MYO3B: variants seen among roughly 807,000 people sequenced by gnomAD.
The protein encoded by MYO3B is myosin IIIB, also known as myosin-IIIb.
Under a neutral mutation model 174.6 loss-of-function variants are expected in MYO3B, and 156 were observed. The ratio of observed to expected loss-of-function variants is 0.89; its 90% CI spans 0.78 to 1.02. MYO3B has a LOEUF of 1.02. MYO3B is among the 50% of genes least tolerant of loss of function. The probability of loss-of-function intolerance (pLI) is 0.00; values close to 1 mark genes in which losing one functional copy is unlikely to be tolerated. For synonymous variants in MYO3B, 563 were observed against 569.1 expected, an observed-to-expected ratio of 0.99 and a Z score of 0.15; for missense variants, 1,632 against 1,639.4, an observed-to-expected ratio of 1.00 and a Z score of 0.08.
chr2:170,317,788 C>T lies in MYO3B; in HGVS notation c.750-17597C>T, dbSNP rs1274276235. Among the ~76,000 whole-genome samples, 3 of 152,142 alleles carry T rather than the reference C, an allele frequency of 2.0e-5. No individual in the cohort carries two copies. In the East Asian group the frequency reaches 5.8e-4, roughly 29 times the overall value. On this transcript the variant is annotated intron_variant, in intron 7 of 34. Transcript: ENST00000408978. ...ATTCTTAAAAAGGAGGTTCCATGAT[C>T]AGAGAAGTGTGAGAAACATTGTGGA...
At chr2:170,211,080 C>T (rs933444720) in intron 3 of MYO3B, among the ~76,000 whole-genome samples, 2 of 152,298 alleles carry the variant, frequency 1.3e-5, no homozygotes, top group Non-Finnish European at 2.9e-5. Context: ...TGAGAGGGAT[C>T]TATCCACTTT....
intron 22 of MYO3B, among the ~76,000 whole-genome samples, chr2:170,430,302 A>G (rs1004930593): frequency 1.3e-5 from 2 of 151,992 alleles, no homozygotes; most frequent in Non-Finnish European, 2.9e-5. Flanking sequence ...TTACCTGGAC[A>G]CTAGATCATC....
At chr2:170,501,616 G>A (rs758589917) in intron 27 of MYO3B, among the ~76,000 whole-genome samples, 169 bp from the exon 28 acceptor site, 6 of 152,296 alleles carry the variant, frequency 3.9e-5, no homozygotes, top group South Asian at 2.1e-4. Context: ...TGAGAACAGA[G>A]AGGCCTCTCT....
chr2:170,591,769 C>G (rs1693830554), intron 32 of MYO3B, among the ~76,000 whole-genome samples: 1 of 152,202 alleles, frequency 6.6e-6, no homozygotes, highest in South Asian at 2.1e-4. Flanking sequence ...TTCTTAATGT[C>G]TCTTCCCCCA....
intron 25 of MYO3B, among the ~76,000 whole-genome samples, chr2:170,476,755 C>T (rs376880976): frequency 6.6e-6 from 1 of 151,990 alleles, no homozygotes; most frequent in African/African-American, 2.4e-5. Context: ...AACAGGAATA[C>T]CTGTCCTTAT....
intron 25 of MYO3B, among the ~76,000 whole-genome samples, chr2:170,494,299 C>T (rs1686698730): frequency 2.0e-5 from 3 of 152,160 alleles, no homozygotes; most frequent in Non-Finnish European, 4.4e-5. Context: ...AATGAAATGA[C>T]ATTTTTTGAA....
chr2:170,594,400 G>A (rs1694010648), intron 32 of MYO3B, among the ~76,000 whole-genome samples: 1 of 152,186 alleles, frequency 6.6e-6, no homozygotes, highest in South Asian at 2.1e-4. Context: ...GGGACAGCAG[G>A]AGACAGAAGA....
chr2:170,260,916 G>T (rs150368854), intron 7 of MYO3B, among the ~76,000 whole-genome samples: 4 of 152,324 alleles, frequency 2.6e-5, no homozygotes, highest in East Asian at 1.9e-4. Context: ...GAGATAGTGA[G>T]CATAGACACT....
intron 32 of MYO3B, among the ~76,000 whole-genome samples, chr2:170,634,328 T>G (rs939567349): frequency 6.6e-6 from 1 of 151,988 alleles, no homozygotes; most frequent in Non-Finnish European, 1.5e-5. Flanking sequence ...TCTACAACCA[T>G]CTGATCTTTG....
At chr2:170,498,564 G>C in intron 25 of MYO3B, 28 bp from the exon 26 acceptor site, 3 of 1,509,220 alleles carry the variant, frequency 2.0e-6, no homozygotes, top group Non-Finnish European at 2.8e-6. Context: ...TGACTGAAAA[G>C]GCTTCACTTA....
intron 30 of MYO3B, among the ~76,000 whole-genome samples, chr2:170,533,213 A>C (rs1213665321): frequency 6.6e-6 from 1 of 152,036 alleles, no homozygotes; most frequent in East Asian, 1.9e-4. Flanking sequence ...CACTGCACAC[A>C]ATCTTGTTTA....
intron 32 of MYO3B, among the ~76,000 whole-genome samples, chr2:170,577,920 C>T (rs929270278): frequency 3.9e-5 from 6 of 152,118 alleles, no homozygotes; most frequent in Admixed American, 2.0e-4. Context: ...AAAGATTTTG[C>T]TCAAACTGCA....
At chr2:170,363,680 G>T (rs1398719349) in intron 8 of MYO3B, among the ~76,000 whole-genome samples, 1 of 152,148 alleles carries the variant, frequency 6.6e-6, no homozygotes, top group Non-Finnish European at 1.5e-5. Flanking sequence ...ATGATGGAAG[G>T]TACTAGAATT....
chr2:170,504,697 C>T (rs1309423024), intron 28 of MYO3B, among the ~76,000 whole-genome samples: 1 of 152,196 alleles, frequency 6.6e-6, no homozygotes. Context: ...GTTATCGGGC[C>T]CTCCTCCAGG....
rs116273230 is a variant in MYO3B at position 170,622,227 on chromosome 2, T to A, written c.3734-29401T>A. On this transcript the variant is annotated intron_variant, in intron 32 of 34. Transcript: ENST00000408978. ...TTTCCAATGTTGCAGTGTGGCTAAT[T>A]GTTAAGGTTCCTAACCCTAGCCTAC... Among the ~76,000 whole-genome samples, 1,233 of 152,342 alleles carry A rather than the reference T, an allele frequency of 8.1e-3. 22 individuals carry two copies. Among genetic ancestry groups the A allele is most frequent in the African/African-American group, 0.028 (1,167 of 41,572 alleles).
intron 28 of MYO3B, among the ~76,000 whole-genome samples, chr2:170,505,323 T>C (rs1687556930): frequency 2.0e-5 from 3 of 152,200 alleles, no homozygotes; most frequent in Admixed American, 2.0e-4. Flanking sequence ...GCATGTTTCA[T>C]TGTTTTTTGT....
chr2:170,538,144 T>A (rs1689850404), intron 30 of MYO3B, among the ~76,000 whole-genome samples: 1 of 152,170 alleles, frequency 6.6e-6, no homozygotes, highest in Non-Finnish European at 1.5e-5. Flanking sequence ...ATTCTAACCC[T>A]AAAATAGAAA....
intron 6 of MYO3B, 121 bp from the exon 7 acceptor site, chr2:170,235,870 G>GT: frequency 8.6e-7 from 1 of 1,158,660 alleles, no homozygotes; most frequent in Non-Finnish European, 1.3e-6. Context: ...TCTTATTACT[G>GT]GAATTCAATA....
At chr2:170,182,403 G>A (rs1419871484) in intron 1 of MYO3B, among the ~76,000 whole-genome samples, 1 of 152,010 alleles carries the variant, frequency 6.6e-6, no homozygotes, top group Non-Finnish European at 1.5e-5. Flanking sequence ...CTATTGATTT[G>A]TAATGTGATT....
Sources: gnomAD v4.1 joint callset for allele counts (sites outside exome capture counted in the v4.1 genomes callset) on GRCh38, gnomAD v4.1.1 for gene constraint, MANE v1.5 for transcripts, NCBI Gene and HGNC (gene_info 2026-07-23, HGNC 2026-07-21) for gene names.